Variants in PCDHGB3 observed in about 807,000 individuals in gnomAD.
PCDHGB3 encodes protocadherin gamma-B3.
In PCDHGB3, 40 loss-of-function variants were observed where a neutral mutation model predicts 59.2. The observed-to-expected ratio is 0.68, with a 90% confidence interval of 0.52 to 0.88. The LOEUF is 0.88. PCDHGB3 is among the 40% of genes least tolerant of loss of function. The pLI, the probability that PCDHGB3 is intolerant of heterozygous loss-of-function variation, is 0.00. For missense variants in PCDHGB3, 1,309 were observed against 1,187.9 expected, an observed-to-expected ratio of 1.10 and a Z score of -1.50; for synonymous variants, 581 against 503.6, an observed-to-expected ratio of 1.15 and a Z score of -2.06.
intron 1 of PCDHGB3, chr5:141,385,214 A>C: frequency 6.2e-7 from 1 of 1,614,200 alleles, no homozygotes; most frequent in Non-Finnish European, 8.5e-7. Flanking sequence ...ATCTTCCCCC[A>C]GCCCAACTAT....
At chr5:141,481,282 T>C (rs2099534931) in intron 1 of PCDHGB3, among the ~76,000 whole-genome samples, 1 of 152,148 alleles carries the variant, frequency 6.6e-6, no homozygotes, top group African/African-American at 2.4e-5. Flanking sequence ...CATAAAATGG[T>C]ATTTCAGTCA....
At chr5:141,434,693 T>C (rs2097710124) in intron 1 of PCDHGB3, among the ~76,000 whole-genome samples, 1 of 152,034 alleles carries the variant, frequency 6.6e-6, no homozygotes, top group Non-Finnish European at 1.5e-5. Context: ...TTGCTGTTAA[T>C]AAATATGTGG....
chr5:141,388,826 CAT>C, intron 1 of PCDHGB3: 1 of 1,613,864 alleles, frequency 6.2e-7, no homozygotes, highest in Non-Finnish European at 8.5e-7. Flanking sequence ...AAGAATATTC[CAT>C]AGTTTTGGAA....
At chr5:141,428,987 T>G (rs1185184865) in intron 1 of PCDHGB3, 2 of 152,288 alleles carry the variant, frequency 1.3e-5, no homozygotes, top group Non-Finnish European at 2.9e-5. Context: ...CCCGGGTAGC[T>G]GGGACTACAG....
At chr5:141,387,610 T>A in intron 1 of PCDHGB3, 2 of 558,176 alleles carry the variant, frequency 3.6e-6, no homozygotes, top group East Asian at 3.0e-5. Flanking sequence ...AGGCTGTAGT[T>A]TCCTAGTGCT....
chr5:141,420,911 T>C (rs948220220), intron 1 of PCDHGB3: 6 of 313,968 alleles, frequency 1.9e-5, no homozygotes, highest in Admixed American at 1.8e-4. Flanking sequence ...CAAATACGTG[T>C]GATTCACAAA....
intron 1 of PCDHGB3, among the ~76,000 whole-genome samples, chr5:141,459,755 G>A (rs1383912891): frequency 2.0e-5 from 3 of 152,182 alleles, no homozygotes; most frequent in African/African-American, 7.2e-5. Flanking sequence ...CAATTCTAGT[G>A]GGTGTGTGAT....
intron 1 of PCDHGB3, among the ~76,000 whole-genome samples, chr5:141,482,089 C>CAA (rs36035257): frequency 1.0e-3 from 137 of 134,516 alleles, no homozygotes; most frequent in African/African-American, 1.5e-3. Context: ...CACTCCATCT[C>CAA]AAAAAAAAAA....
chr5:141,419,746 G>A (rs1561783927), intron 1 of PCDHGB3: 2 of 1,613,896 alleles, frequency 1.2e-6, no homozygotes, highest in Admixed American at 1.7e-5. Context: ...TGCGCATGGT[G>A]CGTGCTTTGG....
At chr5:141,426,539 T>C in intron 1 of PCDHGB3, 2 of 347,388 alleles carry the variant, frequency 5.8e-6, no homozygotes, top group South Asian at 4.4e-5. Flanking sequence ...GGGAACATAC[T>C]TGTGAGTGAC....
At chr5:141,479,619 T>C (rs1327758222) in intron 1 of PCDHGB3, 1 of 152,220 alleles carries the variant, frequency 6.6e-6, no homozygotes, top group Non-Finnish European at 1.5e-5. Flanking sequence ...AGGGAAACCA[T>C]GTCTCTTTAA....
chr5:141,476,318 G>T lies in PCDHGB3; in HGVS notation c.2416-18489G>T. 3 of 1,614,202 alleles carry T rather than the reference G, an allele frequency of 1.9e-6. No homozygotes were observed. The highest frequency in any genetic ancestry group is 2.5e-6 in the Non-Finnish European group (3 of 1,180,052). The stretch of plus-strand genomic sequence containing the variant: ...TAGCCTCTCAGCCCGCAGGTTCCGG[G>T]TGGTGTCTGGAGCTAGCCGAAGATT... On this transcript the variant is annotated intron_variant, in intron 1 of 3. Transcript: ENST00000576222. This position sits in a 1 kb window ranked among gnomAD's most constrained non-coding sequence, Gnocchi z 7.6.
Position 141,490,973 on chromosome 5 carries a change from G to A in PCDHGB3, c.2416-3834G>A, listed in dbSNP as rs774983500. 5.0e-6 allele frequency: 8 copies of A among 1,613,932 alleles called. No homozygotes were observed. The highest frequency in any genetic ancestry group is 2.2e-5 in the East Asian group (1 of 44,878). On this transcript the variant is annotated intron_variant, in intron 1 of 3. Transcript: ENST00000576222. The surrounding 1 kb of genome is among the most constrained non-coding windows in gnomAD (Gnocchi z 5.4). ...GACTGGGAACACTCAGCCCCCCAGC[G>A]TCTCCCTCGCTCTGCTCCTCCTGGC...
In PCDHGB3 at chr5:141,409,031, A is replaced by G. The variant is rs748995883; in HGVS notation, c.2415+36222A>G. The G allele has an allele frequency of 1.2e-6, 2 of 1,614,032 alleles. No individual in the cohort carries two copies. The highest frequency in any genetic ancestry group is 1.7e-6 in the Non-Finnish European group (2 of 1,179,904). The stretch of plus-strand genomic sequence containing the variant: ...CCAGGATGAGGGGGTCAATGCTGAG[A>G]TAAACTACTACTTCCGAAGCACTGC... On this transcript the variant is annotated intron_variant, in intron 1 of 3. Transcript: ENST00000576222.
In PCDHGB3 at chr5:141,423,512, C is replaced by T. The variant is rs765694240; in HGVS notation, c.2415+50703C>T. 55 of 1,613,552 alleles carry T rather than the reference C, an allele frequency of 3.4e-5. No individual in the cohort carries two copies. The highest frequency in any genetic ancestry group is 2.8e-4 in the African/African-American group (21 of 74,924). On this transcript the variant is annotated intron_variant, in intron 1 of 3. Coordinates refer to ENST00000576222, the MANE Select transcript of PCDHGB3 (RefSeq NM_018924.5). ...TATTCCCACGAGGTCTCTCTCATTGCGGACTCGCAGAAGAGTCACCTGATT... is the reference window on the plus strand; with the variant it reads ...TATTCCCACGAGGTCTCTCTCATTGTGGACTCGCAGAAGAGTCACCTGATT...
chr5:141,451,812 C>G (rs974567828), intron 1 of PCDHGB3, among the ~76,000 whole-genome samples: 1 of 149,686 alleles, frequency 6.7e-6, no homozygotes, highest in Non-Finnish European at 1.5e-5. Flanking sequence ...ACCCAGGAGG[C>G]GGAGGTTACA....
intron 1 of PCDHGB3, chr5:141,405,320 C>A (rs1183399090): frequency 6.2e-7 from 1 of 1,614,188 alleles, no homozygotes; most frequent in South Asian, 1.1e-5. Flanking sequence ...GAAAAATGAG[C>A]CTTTGTGCGT....
In PCDHGB3 at chr5:141,464,280, A is replaced by C. The variant is rs934753450; in HGVS notation, c.2416-30527A>C. Among the ~76,000 whole-genome samples, 148 of 75,930 alleles carry C rather than the reference A, an allele frequency of 1.9e-3. 1 individual carries two copies. Among genetic ancestry groups the C allele is most frequent in the African/African-American group, 0.011 (146 of 12,968 alleles). 49.8% of individuals were successfully genotyped at this position (75,930 alleles called of 152,430 possible). Reference sequence around the variant, plus strand: ...ACTCCGTCTAAAAAAAAAAAAAAGCAAAAAAAAAAACTCCATTGTATGTGC... The same window carrying C: ...ACTCCGTCTAAAAAAAAAAAAAAGCCAAAAAAAAAACTCCATTGTATGTGC... On this transcript the variant is annotated intron_variant, in intron 1 of 3. Transcript: ENST00000576222.
intron 3 of PCDHGB3, among the ~76,000 whole-genome samples, chr5:141,505,976 A>G (rs911235674): frequency 1.3e-5 from 2 of 152,136 alleles, no homozygotes; most frequent in Admixed American, 1.3e-4. Context: ...CCCAGCCGAG[A>G]GAACACCTCC....
Sources: gnomAD v4.1 joint callset for allele counts (sites outside exome capture counted in the v4.1 genomes callset) on GRCh38, gnomAD v4.1.1 for gene constraint, Gnocchi (gnomAD v3.1) non-coding constraint, MANE v1.5 for transcripts, NCBI Gene and HGNC (gene_info 2026-07-23, HGNC 2026-07-21) for gene names.